Variants in CLDN14 observed in about 807,000 individuals in gnomAD.
CLDN14 encodes the protein claudin 14, also known as claudin-14.
In CLDN14, 2 loss-of-function variants were observed where a neutral mutation model predicts 2.1. The observed-to-expected ratio is 0.96, with a 90% confidence interval of 0.39 to 3.01. CLDN14 has a LOEUF of 3.01. Ranked by LOEUF, CLDN14 falls within the 30% of genes most tolerant of loss-of-function variation. The pLI is 0.09. For synonymous variants in CLDN14, 136 were observed against 154.4 expected (o/e 0.88, Z 0.88); for missense variants, 298 against 328.0 (o/e 0.91, Z 0.71).
intron 1 of CLDN14, among the ~76,000 whole-genome samples, chr21:36,557,432 T>G (rs529991113): frequency 6.6e-6 from 1 of 152,276 alleles, no homozygotes; most frequent in African/African-American, 2.4e-5. Context: ...CGTTCCAACT[T>G]CTCCACATCC....
intron 2 of CLDN14, among the ~76,000 whole-genome samples, chr21:36,492,869 A>G (rs543468081): frequency 4.5e-4 from 68 of 152,192 alleles, no homozygotes; most frequent in Admixed American, 2.9e-3. Flanking sequence ...CCCTGCAGGC[A>G]CCTTGATTTT....
chr21:36,560,435 TGGC>T (rs2087626223), intron 1 of CLDN14, among the ~76,000 whole-genome samples: 1 of 152,216 alleles, frequency 6.6e-6, no homozygotes, highest in South Asian at 2.1e-4. Context: ...ACAGATTAGT[TGGC>T]AGTGTTCTAA....
At chr21:36,489,072 T>A (rs2086930276) in intron 2 of CLDN14, among the ~76,000 whole-genome samples, 1 of 138,910 alleles carries the variant, frequency 7.2e-6, no homozygotes, top group Non-Finnish European at 1.5e-5. Context: ...ATCAAGCCAC[T>A]GCACTCCAGC....
intron 1 of CLDN14, among the ~76,000 whole-genome samples, chr21:36,467,203 T>C (rs1202183339): frequency 6.6e-6 from 1 of 152,194 alleles, no homozygotes; most frequent in African/African-American, 2.4e-5. Flanking sequence ...AGCTATGTTT[T>C]TCTTTAAAAA....
chr21:36,555,856 AGAGAGAGT>A (rs2087595831), intron 1 of CLDN14, among the ~76,000 whole-genome samples: 1 of 141,384 alleles, frequency 7.1e-6, no homozygotes, highest in Non-Finnish European at 1.6e-5. Flanking sequence ...TGTGTGAGAG[AGAGAGAGT>A]GTGTGTGTGT....
At chr21:36,537,540 G>A (rs547951551) in intron 1 of CLDN14, among the ~76,000 whole-genome samples, 4 of 152,212 alleles carry the variant, frequency 2.6e-5, no homozygotes, top group East Asian at 1.9e-4. Context: ...TAATGGTGTC[G>A]CAGATACATA....
intron 1 of CLDN14, among the ~76,000 whole-genome samples, chr21:36,540,797 A>G (rs973391870): frequency 3.3e-5 from 5 of 152,180 alleles, no homozygotes; most frequent in African/African-American, 1.2e-4. Context: ...TGTTTATTCT[A>G]AGGGAAGAGG....
chr21:36,499,844 C>G lies in CLDN14; in HGVS notation c.-82+10519G>C, dbSNP rs1343664588. On this transcript the variant is annotated intron_variant, in intron 2 of 2. Transcript: ENST00000342108. The surrounding 1 kb of genome is among the most constrained non-coding windows in gnomAD (Gnocchi z 4.7). ...GCTGCCCCCAGGGCTGCTGTCATCT[C>G]CTGATGACGAGCAACATTTTCACAA... Among the ~76,000 whole-genome samples the G allele has an allele frequency of 6.6e-6, 1 of 152,000 alleles. No homozygotes were observed. The highest frequency in any genetic ancestry group is 1.5e-5 in the Non-Finnish European group (1 of 68,034).
intron 1 of CLDN14, among the ~76,000 whole-genome samples, chr21:36,550,504 G>A (rs576515575): frequency 1.1e-4 from 16 of 152,342 alleles, no homozygotes; most frequent in Admixed American, 2.6e-4. Flanking sequence ...TTCAAGAGAA[G>A]TCAAAGGGCA....
At chr21:36,527,428 A>C (rs933930327) in intron 1 of CLDN14, among the ~76,000 whole-genome samples, 1 of 152,244 alleles carries the variant, frequency 6.6e-6, no homozygotes, top group African/African-American at 2.4e-5. Flanking sequence ...CCTTCCATGC[A>C]TGAACTGAAG....
At chr21:36,533,359 G>A (rs2087396566) in intron 1 of CLDN14, among the ~76,000 whole-genome samples, 1 of 152,196 alleles carries the variant, frequency 6.6e-6, no homozygotes, top group Non-Finnish European at 1.5e-5. Flanking sequence ...GTGACCAACT[G>A]TTAACCACTA....
In CLDN14 at chr21:36,499,524, T is replaced by C. The variant is rs575245554; in HGVS notation, c.-82+10839A>G. 3.3e-5 allele frequency among the ~76,000 whole-genome samples: 5 copies of C among 152,038 alleles called. No homozygotes were observed. The highest frequency in any genetic ancestry group is 1.2e-4 in the African/African-American group (5 of 41,452). On this transcript the variant is annotated intron_variant, in intron 2 of 2. Transcript: ENST00000342108. The surrounding 1 kb of genome is among the most constrained non-coding windows in gnomAD (Gnocchi z 4.7). ...TAGAGTGGCTTATCTGTGTTTAGAG[T>C]CTCTAAAGTTGTTGCAGGGGGCTTG...
chr21:36,545,843 C>T (rs2087522576), intron 1 of CLDN14, among the ~76,000 whole-genome samples: 1 of 152,110 alleles, frequency 6.6e-6, no homozygotes, highest in South Asian at 2.1e-4. Flanking sequence ...GCCAAGTTTG[C>T]TTCTCCTGGA....
chr21:36,525,271 A>G (rs1432458806), intron 1 of CLDN14, among the ~76,000 whole-genome samples: 1 of 152,118 alleles, frequency 6.6e-6, no homozygotes, highest in Non-Finnish European at 1.5e-5. Context: ...CAGGCTGATG[A>G]CATGCACTAG....
chr21:36,562,803 G>A (rs1306014650), intron 1 of CLDN14, among the ~76,000 whole-genome samples: 1 of 152,050 alleles, frequency 6.6e-6, no homozygotes, highest in Non-Finnish European at 1.5e-5. Context: ...GCACAGTCAA[G>A]CGGTGTAGTT....
intron 2 of CLDN14, among the ~76,000 whole-genome samples, chr21:36,485,259 G>A (rs2086883622): frequency 6.7e-6 from 1 of 149,910 alleles, no homozygotes; most frequent in Admixed American, 6.8e-5. Flanking sequence ...CTAGTCTGGA[G>A]TGCAGTGGCG....
At chr21:36,525,078 G>A (rs535946110) in intron 1 of CLDN14, among the ~76,000 whole-genome samples, 4 of 152,278 alleles carry the variant, frequency 2.6e-5, no homozygotes, top group South Asian at 4.1e-4. Flanking sequence ...GCTCCCTCAC[G>A]GAGGGTGAAC....
intron 2 of CLDN14, among the ~76,000 whole-genome samples, chr21:36,488,275 C>CCTTCCT (rs1568854948): frequency 7.9e-5 from 2 of 25,386 alleles, no homozygotes; most frequent in African/African-American, 3.1e-4. Context: ...CCTTCCTTCC[C>CCTTCCT]TCTCTCTTTC....
intron 1 of CLDN14, among the ~76,000 whole-genome samples, chr21:36,470,535 C>T (rs2086698649): frequency 6.6e-6 from 1 of 152,214 alleles, no homozygotes; most frequent in South Asian, 2.1e-4. Flanking sequence ...AGCCTGCCCA[C>T]ACCTTAGTTT....
Sources: gnomAD v4.1 joint callset for allele counts (sites outside exome capture counted in the v4.1 genomes callset) on GRCh38, gnomAD v4.1.1 for gene constraint, Gnocchi (gnomAD v3.1) non-coding constraint, MANE v1.5 for transcripts, NCBI Gene and HGNC (gene_info 2026-07-23, HGNC 2026-07-21) for gene names.